The following RBM47 variants were observed in gnomAD, a reference collection of about 807,000 sequenced individuals.
RBM47 encodes the protein RNA-binding protein 47.
Under a neutral mutation model 47.1 loss-of-function variants are expected in RBM47, and 21 were observed. The observed-to-expected ratio is 0.45, with a 90% CI of 0.32 to 0.64. The LOEUF is 0.64. RBM47 is among the 30% of genes least tolerant of loss of function. The pLI, the probability that RBM47 is intolerant of heterozygous loss-of-function variation, is 0.05. For missense variants in RBM47, 708 were observed against 870.9 expected (o/e 0.81, Z 2.35); for synonymous variants, 375 against 361.7 (o/e 1.04, Z -0.42).
intron 2 of RBM47, among the ~76,000 whole-genome samples, chr4:40,511,009 T>G (rs1030686810): frequency 6.6e-6 from 1 of 152,206 alleles, no homozygotes; most frequent in African/African-American, 2.4e-5. Context: ...ACTTAAGATC[T>G]TGAGTTGCTA....
chr4:40,549,112 G>GGGT (rs60559923), intron 1 of RBM47, among the ~76,000 whole-genome samples: 4,492 of 150,850 alleles, frequency 0.03, 266 homozygotes, highest in African/African-American at 0.1. Context: ...TTTTTTTTGG[G>GGGT]GGGGGGGACA....
chr4:40,569,084 A>C (rs916168703), intron 1 of RBM47, among the ~76,000 whole-genome samples: 1 of 152,008 alleles, frequency 6.6e-6, no homozygotes, highest in Non-Finnish European at 1.5e-5. Context: ...TGGGAGGGAC[A>C]TTAATCATAG....
chr4:40,586,536 C>T (rs748958124), intron 1 of RBM47, among the ~76,000 whole-genome samples: 1 of 150,542 alleles, frequency 6.6e-6, no homozygotes, highest in African/African-American at 2.4e-5. Context: ...GAGATGAAAA[C>T]GCCTTACCCT....
chr4:40,457,081 A>G (rs1353385582), intron 3 of RBM47, among the ~76,000 whole-genome samples: 2 of 152,168 alleles, frequency 1.3e-5, no homozygotes, highest in Non-Finnish European at 1.5e-5. Context: ...AACCAAACCA[A>G]ACCCAGAGAG....
chr4:40,429,361 TTCTA>T (rs919579671), intron 6 of RBM47, among the ~76,000 whole-genome samples: 2 of 152,100 alleles, frequency 1.3e-5, no homozygotes, highest in Non-Finnish European at 2.9e-5. Context: ...GAAAGAAATT[TTCTA>T]TCTGTGAAAT....
chr4:40,571,747 C>T (rs1221465906), intron 1 of RBM47, among the ~76,000 whole-genome samples: 1 of 151,878 alleles, frequency 6.6e-6, no homozygotes, highest in Non-Finnish European at 1.5e-5. Context: ...TGGCTGGACA[C>T]GGTGGCTCAC....
chr4:40,509,848 A>C (rs935586377), intron 2 of RBM47, among the ~76,000 whole-genome samples: 36 of 150,294 alleles, frequency 2.4e-4, no homozygotes, highest in African/African-American at 8.1e-4. Flanking sequence ...GCGCCACTGC[A>C]CTCCAGCCTG....
intron 1 of RBM47, among the ~76,000 whole-genome samples, chr4:40,577,510 G>T (rs1419750860): frequency 6.6e-6 from 1 of 151,268 alleles, no homozygotes; most frequent in Non-Finnish European, 1.5e-5. Context: ...AATGCAGATC[G>T]TATAATGGGT....
chr4:40,559,516 A>G (rs778134644), intron 1 of RBM47, among the ~76,000 whole-genome samples: 1 of 152,266 alleles, frequency 6.6e-6, no homozygotes, highest in Non-Finnish European at 1.5e-5. Context: ...GATCTTATCT[A>G]AATTTTTTAA....
chr4:40,536,299 C>A (rs1027202386), intron 2 of RBM47, among the ~76,000 whole-genome samples: 2 of 152,132 alleles, frequency 1.3e-5, no homozygotes, highest in Non-Finnish European at 2.9e-5. Context: ...CGGGATGAGG[C>A]CCCACCTCAG....
intron 1 of RBM47, among the ~76,000 whole-genome samples, chr4:40,544,901 T>A (rs1728868230): frequency 6.6e-6 from 1 of 152,092 alleles, no homozygotes; most frequent in Non-Finnish European, 1.5e-5. Context: ...TGAGAGCCTA[T>A]CTCTACAAAA....
At position 40,585,744 on chromosome 4, in the gene RBM47, T is replaced by C. The variant is rs562446362; in HGVS notation, c.-239-41238A>G. 7.9e-5 allele frequency among the ~76,000 whole-genome samples: 12 copies of C among 152,338 alleles called. No individual in the cohort carries two copies. The South Asian group carries it at 2.1e-3, about 26-fold the overall frequency. On this transcript the variant is annotated intron_variant, in intron 1 of 6. Transcript: ENST00000295971. ...TTAACCATGCCCCTGCTATCAGTAA[T>C]GTGACTGTGATGGGTCATCCATCAA...
rs190746200 is a variant in RBM47 at position 40,529,308 on chromosome 4, G to A, written c.-155+15114C>T. ...AGATCACTTGAGGTCAGGAGTTTGA[G>A]ACCAGATGGGCCAACCATGGCCAAC... On this transcript the variant is annotated intron_variant, in intron 2 of 6. Coordinates refer to ENST00000295971, the MANE Select transcript of RBM47 (RefSeq NM_001098634.2). Among the ~76,000 whole-genome samples the A allele has an allele frequency of 3.9e-4, 59 of 151,880 alleles. 1 individual carries two copies. In the East Asian group the frequency reaches 0.01, roughly 27 times the overall value.
chr4:40,468,487 C>T (rs534656867), intron 2 of RBM47, among the ~76,000 whole-genome samples: 8 of 152,148 alleles, frequency 5.3e-5, no homozygotes, highest in Non-Finnish European at 7.4e-5. Flanking sequence ...TCGGGAGGTG[C>T]CCCCACTTCC....
At chr4:40,581,220 G>C (rs750138119) in intron 1 of RBM47, among the ~76,000 whole-genome samples, 2 of 151,992 alleles carry the variant, frequency 1.3e-5, no homozygotes, top group Non-Finnish European at 2.9e-5. Flanking sequence ...CCAGGAGTTC[G>C]AGACCAGCCT....
Position 40,438,787 on chromosome 4 carries a change from A to G in RBM47, c.107T>C (p.Leu36Pro). ...VAGAPNEAALLALMERTGYSM... is the reference protein window; with the variant it reads ...VAGAPNEAALPALMERTGYSM... ...GTAGCCCGTGCGCTCCATCAGCGCC[A>G]GCAGTGCTGCCTCGTTGGGCGCGCC... The change falls in exon 4 of 7, where the codon CTG (leucine) becomes CCG (proline). Residue 36 changes from leucine to proline, a missense_variant. Coordinates refer to ENST00000295971, the MANE Select transcript of RBM47 (RefSeq NM_001098634.2). 6.4e-7 allele frequency: 1 copy of G among 1,557,416 alleles called. No individual in the cohort carries two copies.
intron 1 of RBM47, among the ~76,000 whole-genome samples, chr4:40,551,639 G>A (rs1439959264): frequency 1.3e-5 from 2 of 150,160 alleles, no homozygotes; most frequent in Non-Finnish European, 1.5e-5. Flanking sequence ...GAATCAAATA[G>A]CGTACTTTTC....
chr4:40,463,747 T>C (rs938354449), intron 3 of RBM47, among the ~76,000 whole-genome samples: 2 of 151,564 alleles, frequency 1.3e-5, no homozygotes, highest in Admixed American at 1.3e-4. Flanking sequence ...ATTGCAGTTT[T>C]TGTCGTTACA....
chr4:40,535,847 C>T (rs1448552883), intron 2 of RBM47, among the ~76,000 whole-genome samples: 4 of 152,072 alleles, frequency 2.6e-5, no homozygotes, highest in East Asian at 1.9e-4. Flanking sequence ...CATGAGCCAC[C>T]ACACCTGGCC....
Sources: gnomAD v4.1 joint callset for allele counts (sites outside exome capture counted in the v4.1 genomes callset) on GRCh38, gnomAD v4.1.1 for gene constraint, MANE v1.5 for transcripts, NCBI Gene and HGNC (gene_info 2026-07-23, HGNC 2026-07-21) for gene names.